Variants in ABHD2 observed in about 807,000 individuals in gnomAD.
ABHD2 encodes monoacylglycerol lipase ABHD2.
Under a neutral mutation model 48.1 loss-of-function variants are expected in ABHD2, and 20 were observed. The ratio of observed to expected loss-of-function variants is 0.42; its 90% CI spans 0.29 to 0.60. The LOEUF (loss-of-function observed/expected upper bound fraction) is 0.60, where lower values mean the gene tolerates loss of function less well. ABHD2 is among the 20% of genes least tolerant of loss of function. ABHD2 has a pLI of 0.24. For synonymous variants in ABHD2, 209 were observed against 214.2 expected (o/e 0.98, Z 0.21); for missense variants, 405 against 550.9 (o/e 0.74, Z 2.65).
Position 89,202,080 on chromosome 15 carries a change from T to G in ABHD2, c.*6657T>G, listed in dbSNP as rs143993225. On this transcript the variant is annotated 3_prime_UTR_variant, in exon 11 of 11. Coordinates refer to ENST00000352732, the MANE Select transcript of ABHD2 (RefSeq NM_152924.5). Reference sequence around the variant, plus strand: ...TGAGTTTGTGTTCTGAAAGCCTCCGTGCTGCTGGATCTTTGGGGGGAAATA... The same window carrying G: ...TGAGTTTGTGTTCTGAAAGCCTCCGGGCTGCTGGATCTTTGGGGGGAAATA... The G allele has an allele frequency of 9.8e-4, 272 of 277,176 alleles. 1 individual carries two copies. The highest frequency in any genetic ancestry group is 5.5e-3 in the African/African-American group (242 of 44,212). The allele number at this position is 277,176 out of a possible 1,614,324, so 17.2% of individuals were successfully genotyped here.
chr15:89,092,825 G>T lies in ABHD2; in HGVS notation c.-107+4262G>T, dbSNP rs973553439. ...AGCTTCCACGTCATTTTTTATGAAG[G>T]CCGTCTATTTTAGATATCTGTTTTC... On this transcript the variant is annotated intron_variant, in intron 1 of 10. Coordinates refer to ENST00000352732, the MANE Select transcript of ABHD2 (RefSeq NM_152924.5). This position sits in a 1 kb window ranked among gnomAD's most constrained non-coding sequence, Gnocchi z 4.4. Among the ~76,000 whole-genome samples the T allele has an allele frequency of 1.3e-5, 2 of 152,156 alleles. No homozygotes were observed. Among genetic ancestry groups the T allele is most frequent in the African/African-American group, 4.8e-5 (2 of 41,432 alleles).
Position 89,186,259 on chromosome 15 carries a change from C to T in ABHD2, c.815+743C>T, listed in dbSNP as rs2150945739. Reference sequence around the variant, plus strand: ...TCCCTGCTCGGAGTTTGAGCCTCTCCTTATTCTTCATGCTTGTCCTGCCTC... The same window carrying T: ...TCCCTGCTCGGAGTTTGAGCCTCTCTTTATTCTTCATGCTTGTCCTGCCTC... On this transcript the variant is annotated intron_variant, in intron 7 of 10. Transcript: ENST00000352732. The surrounding 1 kb of genome is among the most constrained non-coding windows in gnomAD (Gnocchi z 4.3). 6.6e-6 allele frequency among the ~76,000 whole-genome samples: 1 copy of T among 152,284 alleles called. No homozygotes were observed. The highest frequency in any genetic ancestry group is 1.9e-4 in the East Asian group (1 of 5,170).
chr15:89,054,306 G>A, the ABHD2 span, among the ~76,000 whole-genome samples: 29 of 145,710 alleles, frequency 2.0e-4, no homozygotes, highest in Admixed American at 3.5e-4. Context: ...TGGGTGACAG[G>A]GCAAGACTCT....
chr15:89,171,674 G>C (rs1225958822), intron 5 of ABHD2, among the ~76,000 whole-genome samples: 3 of 152,186 alleles, frequency 2.0e-5, no homozygotes, highest in Admixed American at 2.0e-4. Context: ...GCCCCCATCT[G>C]TGAAGGTTGT....
At chr15:89,048,713 T>G in the ABHD2 span, among the ~76,000 whole-genome samples, 2 of 152,126 alleles carry the variant, frequency 1.3e-5, no homozygotes, top group South Asian at 4.1e-4. Flanking sequence ...TTCTGCATTC[T>G]TCACGTAGTT....
chr15:89,191,264 A>T, intron 9 of ABHD2, 115 bp downstream of exon 9: 1 of 1,018,812 alleles, frequency 9.8e-7, no homozygotes. Flanking sequence ...TCTGGCTCCA[A>T]CCGCTCTTTT....
chr15:89,197,250 G>A lies in ABHD2; in HGVS notation c.*1827G>A, dbSNP rs915773546. The A allele has an allele frequency of 1.3e-5, 2 of 152,590 alleles. No homozygotes were observed. The highest frequency in any genetic ancestry group is 2.4e-5 in the African/African-American group (1 of 41,422). 9.5% of individuals were successfully genotyped at this position (152,590 alleles called of 1,614,324 possible). ...TTATCTCAGAGACTGAGATTTCTGT[G>A]GTCTCAACTTCGCTTTGGTATAATT... On this transcript the variant is annotated 3_prime_UTR_variant, in exon 11 of 11. Transcript: ENST00000352732. This position sits in a 1 kb window ranked among gnomAD's most constrained non-coding sequence, Gnocchi z 4.4.
Position 89,193,222 on chromosome 15 carries a change from G to A in ABHD2, c.997-13G>A, listed in dbSNP as rs750040059. The stretch of plus-strand genomic sequence containing the variant: ...AATCAGTAGTTTAATTCTGCTTTAT[G>A]TTCTTGTTGCAGATTTATGTTCCTC... On this transcript the variant is annotated splice_polypyrimidine_tract_variant and intron_variant, in intron 9 of 10. Transcript: ENST00000352732. 3.1e-6 allele frequency: 5 copies of A among 1,613,712 alleles called. No homozygotes were observed. Among genetic ancestry groups the A allele is most frequent in the Non-Finnish European group, 4.2e-6 (5 of 1,179,700 alleles).
At chr15:89,134,083 C>G (rs1291244812) in intron 3 of ABHD2, among the ~76,000 whole-genome samples, 1 of 152,142 alleles carries the variant, frequency 6.6e-6, no homozygotes, top group African/African-American at 2.4e-5. Flanking sequence ...CGTGATCCTC[C>G]CGCCTCAGCC....
Position 89,116,635 on chromosome 15 carries a change from G to A in ABHD2, c.194+114G>A, listed in dbSNP as rs878878316. On this transcript the variant is annotated intron_variant, in intron 3 of 10. Coordinates refer to ENST00000352732, the MANE Select transcript of ABHD2 (RefSeq NM_152924.5). This position sits in a 1 kb window ranked among gnomAD's most constrained non-coding sequence, Gnocchi z 4.6. ...CCTTAAGGCATCAATGGGATATGAC[G>A]TCACTGGTGTTAAAATAGCCACAGT... 38 of 1,128,534 alleles carry A rather than the reference G, an allele frequency of 3.4e-5. No individual in the cohort carries two copies. Among genetic ancestry groups the A allele is most frequent in the South Asian group, 2.2e-4 (14 of 63,574 alleles). The allele number at this position is 1,128,534 out of a possible 1,614,324, so 69.9% of individuals were successfully genotyped here. A position where few individuals can be genotyped will look rare whatever the true frequency, so the allele number is the denominator to read the frequency against.
chr15:89,168,248 T>C lies in ABHD2; in HGVS notation c.539-7564T>C, dbSNP rs12443054. On this transcript the variant is annotated intron_variant, in intron 5 of 10. Transcript: ENST00000352732. The surrounding 1 kb of genome is among the most constrained non-coding windows in gnomAD (Gnocchi z 4.8). ...GCAAGTTGCCTTTCCAAAATGGCCG[T>C]GCAATACTCATCTGTCTAAGGCCCA... 0.39 allele frequency among the ~76,000 whole-genome samples: 59,838 copies of C among 152,092 alleles called. 12,490 individuals carry two copies. The highest frequency in any genetic ancestry group is 0.79 in the East Asian group (4,067 of 5,178).
At position 89,154,278 on chromosome 15, in the gene ABHD2, G is replaced by A. The variant is rs74915272; in HGVS notation, c.371-1089G>A. On this transcript the variant is annotated intron_variant, in intron 4 of 10. Transcript: ENST00000352732. ...TTACAAAATTTTTAAGGTTCTTTAT[G>A]CATATTGGAAAATTGCTTACTAATT... Among the ~76,000 whole-genome samples the A allele has an allele frequency of 3.3e-3, 498 of 152,230 alleles. 3 individuals are homozygous for A. Among genetic ancestry groups the A allele is most frequent in the African/African-American group, 0.011 (471 of 41,526 alleles).
In ABHD2 at chr15:89,199,157, C is replaced by G. The variant is rs2051442488; in HGVS notation, c.*3734C>G. 1 of 151,862 alleles carries G rather than the reference C, an allele frequency of 6.6e-6. No individual in the cohort carries two copies. The highest frequency in any genetic ancestry group is 2.1e-4 in the South Asian group (1 of 4,800). 9.4% of individuals were successfully genotyped at this position (151,862 alleles called of 1,614,324 possible). ...ATCTGAATGAGAGCTCTCTTTGTAA[C>G]TGTGTGACTTGAGATCTAGTTTGCC... On this transcript the variant is annotated 3_prime_UTR_variant, in exon 11 of 11. Coordinates refer to ENST00000352732, the MANE Select transcript of ABHD2 (RefSeq NM_152924.5). This position sits in a 1 kb window ranked among gnomAD's most constrained non-coding sequence, Gnocchi z 4.1.
intron 1 of ABHD2, among the ~76,000 whole-genome samples, chr15:89,111,758 C>A (rs2049878829): frequency 6.6e-6 from 1 of 152,224 alleles, no homozygotes; most frequent in African/African-American, 2.4e-5. Flanking sequence ...ATTTCCATAT[C>A]TTTCCCTATG....
At chr15:89,107,303 G>A (rs984255936) in intron 1 of ABHD2, among the ~76,000 whole-genome samples, 9 of 152,144 alleles carry the variant, frequency 5.9e-5, no homozygotes, top group African/African-American at 2.2e-4. Context: ...TTCCATTTTA[G>A]AAGATATGGT....
chr15:89,054,554 G>A, the ABHD2 span, among the ~76,000 whole-genome samples: 27 of 152,056 alleles, frequency 1.8e-4, no homozygotes, highest in South Asian at 4.2e-4. Flanking sequence ...GGTGGTGCAC[G>A]CCTGTAGTCC....
At chr15:89,064,604 A>G in the ABHD2 span, among the ~76,000 whole-genome samples, 1 of 152,072 alleles carries the variant, frequency 6.6e-6, no homozygotes. Context: ...TCCACTTAAT[A>G]TATTCTAGAC....
chr15:89,088,058 C>G (rs1901431481), upstream of ABHD2: 1 of 152,370 alleles, frequency 6.6e-6, no homozygotes, highest in African/African-American at 2.4e-5. This position sits in a 1 kb window ranked among gnomAD's most constrained non-coding sequence, Gnocchi z 6.8. Flanking sequence ...CAGTCGACAG[C>G]TGACCTTACC....
intron 5 of ABHD2, among the ~76,000 whole-genome samples, chr15:89,162,739 A>C (rs886239632): frequency 5.3e-5 from 8 of 152,164 alleles, no homozygotes; most frequent in African/African-American, 1.9e-4. Flanking sequence ...ACTTTCTTCA[A>C]GCCACTTAAG....
Sources: gnomAD v4.1 joint callset for allele counts (sites outside exome capture counted in the v4.1 genomes callset) on GRCh38, gnomAD v4.1.1 for gene constraint, Gnocchi (gnomAD v3.1) non-coding constraint, MANE v1.5 for transcripts, NCBI Gene and HGNC (gene_info 2026-07-23, HGNC 2026-07-21) for gene names.